DOK6: variants seen among roughly 807,000 people sequenced by gnomAD.
DOK6 encodes the protein downstream of tyrosine kinase 6.
In DOK6, 22 loss-of-function variants were observed where a neutral mutation model predicts 44.0. That is an observed-to-expected ratio of 0.50 (90% CI 0.36 to 0.71). DOK6 has a LOEUF of 0.71. Ranked by LOEUF, DOK6 falls within the 30% of genes least tolerant of loss-of-function variation. The pLI, the probability that DOK6 is intolerant of heterozygous loss-of-function variation, is 0.00. For synonymous variants in DOK6, 166 were observed against 145.5 expected (o/e 1.14, Z -1.01); for missense variants, 340 against 416.4 (o/e 0.82, Z 1.60).
intron 2 of DOK6, among the ~76,000 whole-genome samples, chr18:69,575,824 T>C (rs1983225380): frequency 6.6e-6 from 1 of 152,088 alleles, no homozygotes; most frequent in South Asian, 2.1e-4. Context: ...GAAAGCACAT[T>C]ATTGGAGGCC....
chr18:69,724,201 A>T (rs570339449), intron 5 of DOK6, among the ~76,000 whole-genome samples: 1 of 152,356 alleles, frequency 6.6e-6, no homozygotes, highest in East Asian at 1.9e-4. Flanking sequence ...TATAAATAAG[A>T]TAATTTTATA....
At chr18:69,745,220 CTGTG>C (rs2144743278) in intron 6 of DOK6, among the ~76,000 whole-genome samples, 1 of 152,054 alleles carries the variant, frequency 6.6e-6, no homozygotes, top group East Asian at 1.9e-4. Context: ...AGAGTTGGTT[CTGTG>C]TAAGAAAAAT....
At position 69,847,602 on chromosome 18, in the gene DOK6, A is replaced by T. The variant is rs1982373343; in HGVS notation, c.*6219A>T. The T allele has an allele frequency of 6.6e-6, 1 of 152,190 alleles. No individual in the cohort carries two copies. Among genetic ancestry groups the T allele is most frequent in the Admixed American group, 6.6e-5 (1 of 15,266 alleles). 9.4% of individuals were successfully genotyped at this position (152,190 alleles called of 1,614,324 possible). A position where few individuals can be genotyped will look rare whatever the true frequency, so the allele number is the denominator to read the frequency against. On this transcript the variant is annotated 3_prime_UTR_variant, in exon 8 of 8. Coordinates refer to ENST00000382713, the MANE Select transcript of DOK6 (RefSeq NM_152721.6). ...TTCCAGATCATTAACTATTTTACAG[A>T]GGGACTGAAAGCCAGGGAAAATAAA...
At chr18:69,641,848 G>T (rs1329748339) in intron 3 of DOK6, among the ~76,000 whole-genome samples, 2 of 151,610 alleles carry the variant, frequency 1.3e-5, no homozygotes, top group Non-Finnish European at 2.9e-5. Context: ...CACAAAAAAA[G>T]ATTCTGCAGA....
At chr18:69,569,401 G>A (rs75732174) in intron 2 of DOK6, among the ~76,000 whole-genome samples, 1,967 of 152,286 alleles carry the variant, frequency 0.013, 49 homozygotes, top group African/African-American at 0.043. Flanking sequence ...GTCTAAGCAA[G>A]GTAATTGCTG....
chr18:69,566,428 A>G (rs1982985209), intron 2 of DOK6, among the ~76,000 whole-genome samples: 1 of 152,144 alleles, frequency 6.6e-6, no homozygotes, highest in Non-Finnish European at 1.5e-5. Flanking sequence ...GAACCACCGC[A>G]CCCGGCCCAG....
intron 3 of DOK6, among the ~76,000 whole-genome samples, chr18:69,610,683 A>G (rs1639047941): frequency 6.6e-6 from 1 of 152,242 alleles, no homozygotes; most frequent in Non-Finnish European, 1.5e-5. Context: ...ATTTCAGAAG[A>G]AAAATAACAA....
chr18:69,436,102 T>A (rs1468420163), intron 1 of DOK6, among the ~76,000 whole-genome samples: 2 of 152,202 alleles, frequency 1.3e-5, no homozygotes, highest in East Asian at 3.8e-4. Context: ...TATTAAAATC[T>A]ATGTGATAAA....
intron 4 of DOK6, among the ~76,000 whole-genome samples, chr18:69,688,045 T>C (rs1022077329): frequency 3.3e-5 from 5 of 152,052 alleles, no homozygotes; most frequent in Admixed American, 2.6e-4. Flanking sequence ...TTCTATTTCA[T>C]ATAATGCAAT....
chr18:69,532,964 C>A (rs1450003804), intron 1 of DOK6: 1 of 152,062 alleles, frequency 6.6e-6, no homozygotes, highest in Non-Finnish European at 1.5e-5. Flanking sequence ...CAGAAAACAG[C>A]TTTATGGAAA....
At chr18:69,506,460 A>C (rs1280145655) in intron 1 of DOK6, among the ~76,000 whole-genome samples, 1 of 152,104 alleles carries the variant, frequency 6.6e-6, no homozygotes, top group Non-Finnish European at 1.5e-5. Context: ...CTGTCTCTGT[A>C]GTTTTGCCTT....
In DOK6 at chr18:69,707,874, C is replaced by T. The variant is rs75772717; in HGVS notation, c.599+9281C>T. 3.7e-3 allele frequency among the ~76,000 whole-genome samples: 561 copies of T among 152,158 alleles called. 6 individuals carry two copies. The highest frequency in any genetic ancestry group is 0.013 in the African/African-American group (544 of 41,510). On this transcript the variant is annotated intron_variant, in intron 5 of 7. Coordinates refer to ENST00000382713, the MANE Select transcript of DOK6 (RefSeq NM_152721.6). Reference sequence around the variant, plus strand: ...ATTGTAGGGACTCAGGAAAAGCTTCCTGAAGAAGATGATTTGCACGGCGAA... The same window carrying T: ...ATTGTAGGGACTCAGGAAAAGCTTCTTGAAGAAGATGATTTGCACGGCGAA...
At chr18:69,807,399 A>G (rs116438685) in intron 7 of DOK6, among the ~76,000 whole-genome samples, 2,356 of 152,052 alleles carry the variant, frequency 0.015, 53 homozygotes, top group African/African-American at 0.053. Context: ...TCTACAAAAC[A>G]ACCAAAAAAC....
At position 69,757,883 on chromosome 18, in the gene DOK6, T is replaced by G; in HGVS notation, c.856+10T>G. On this transcript the variant is annotated intron_variant, in intron 7 of 7. Transcript: ENST00000382713. Reference sequence around the variant, plus strand: ...ATCTACAGTTTGCAAGGCAAGTCACTTTAATGTAAGAAAGCAGTGCCTCCA... The same window carrying G: ...ATCTACAGTTTGCAAGGCAAGTCACGTTAATGTAAGAAAGCAGTGCCTCCA... 3 of 1,610,840 alleles carry G rather than the reference T, an allele frequency of 1.9e-6. No homozygotes were observed. The highest frequency in any genetic ancestry group is 2.5e-6 in the Non-Finnish European group (3 of 1,177,024).
chr18:69,733,323 AAC>A (rs1471022285), intron 5 of DOK6, among the ~76,000 whole-genome samples: 1 of 152,356 alleles, frequency 6.6e-6, no homozygotes, highest in East Asian at 1.9e-4. Flanking sequence ...CCCAATAAAT[AAC>A]AGTTAGTAGG....
rs72248499 is a variant in DOK6, at chr18:69,823,625, T to TTGTGTGTGTGTGTGTG, written c.857-17601_857-17586dup. ...TTAGGAGAAGGAGAAGTGTGTGTGT[T>TTGTGTGTGTGTGTGTG]TGTGTGTGTGTGTGTGTGTGTGTGT... is the stretch of plus-strand genomic sequence containing the variant. On this transcript the variant is annotated intron_variant, in intron 7 of 7. Transcript: ENST00000382713. Among the ~76,000 whole-genome samples, 6 of 146,758 alleles carry TTGTGTGTGTGTGTGTG rather than the reference T, an allele frequency of 4.1e-5. No individual in the cohort carries two copies. The South Asian group carries it at 6.6e-4, about 16-fold the overall frequency.
intron 5 of DOK6, among the ~76,000 whole-genome samples, chr18:69,719,269 G>A (rs1986952741): frequency 6.6e-6 from 1 of 152,188 alleles, no homozygotes; most frequent in African/African-American, 2.4e-5. Context: ...AAAAATCATA[G>A]GAGTATTGAA....
intron 7 of DOK6, among the ~76,000 whole-genome samples, chr18:69,824,424 T>C (rs1436433857): frequency 3.3e-5 from 5 of 151,664 alleles, no homozygotes; most frequent in Non-Finnish European, 5.9e-5. Context: ...CACTGCAGCC[T>C]CAACCTCCTC....
At chr18:69,608,656 T>C (rs1183057576) in intron 3 of DOK6, among the ~76,000 whole-genome samples, 1 of 152,164 alleles carries the variant, frequency 6.6e-6, no homozygotes, top group Admixed American at 6.5e-5. Context: ...TCCATTTGTT[T>C]GTATCTTTTT....
Sources: gnomAD v4.1 joint callset for allele counts (sites outside exome capture counted in the v4.1 genomes callset) on GRCh38, gnomAD v4.1.1 for gene constraint, MANE v1.5 for transcripts, NCBI Gene and HGNC (gene_info 2026-07-23, HGNC 2026-07-21) for gene names.